The following KDM3A variants were observed in gnomAD, a reference collection of about 807,000 sequenced individuals.
KDM3A encodes lysine demethylase 3A.
In KDM3A, 60 loss-of-function variants were observed where a neutral mutation model predicts 158.0. That is an observed-to-expected ratio of 0.38 (90% CI 0.31 to 0.47). The LOEUF (loss-of-function observed/expected upper bound fraction) is 0.47, where lower values mean the gene tolerates loss of function less well. KDM3A is among the 20% of genes least tolerant of loss of function. The pLI, the probability that KDM3A is intolerant of heterozygous loss-of-function variation, is 0.99. For synonymous variants in KDM3A, 608 were observed against 549.3 expected, an observed-to-expected ratio of 1.11 and a Z score of -1.49; for missense variants, 1,319 against 1,574.3, an observed-to-expected ratio of 0.84 and a Z score of 2.74.
intron 3 of KDM3A, 101 bp downstream of exon 3, chr2:86,450,063 G>A: frequency 1.6e-6 from 2 of 1,269,716 alleles, no homozygotes; most frequent in Admixed American, 4.9e-5. Flanking sequence ...AGTCAGAAAA[G>A]CTCCCAGGAT....
At chr2:86,482,367 T>C (rs1673974232) in intron 17 of KDM3A, 91 bp from the exon 18 acceptor site, 5 of 1,543,952 alleles carry the variant, frequency 3.2e-6, no homozygotes, top group Non-Finnish European at 4.3e-6. Context: ...TGGAATCTTC[T>C]GGATATGTAA....
chr2:86,461,052 A>G (rs1413553203), intron 8 of KDM3A, among the ~76,000 whole-genome samples: 1 of 149,454 alleles, frequency 6.7e-6, no homozygotes, highest in Non-Finnish European at 1.5e-5. Context: ...TTTCTGCTTT[A>G]AGACAGCTCA....
At chr2:86,463,403 T>TA (rs1356101567) in intron 8 of KDM3A, among the ~76,000 whole-genome samples, 1 of 91,998 alleles carries the variant, frequency 1.1e-5, no homozygotes, top group Non-Finnish European at 2.1e-5. Flanking sequence ...GTTAAGAAGT[T>TA]GATTCAATAC....
chr2:86,486,748 G>C (rs926751707), intron 21 of KDM3A, among the ~76,000 whole-genome samples: 1 of 152,168 alleles, frequency 6.6e-6, no homozygotes, highest in Non-Finnish European at 1.5e-5. Flanking sequence ...AAGGGAAGGA[G>C]GGGCAAGGAC....
upstream of KDM3A, among the ~76,000 whole-genome samples, chr2:86,438,496 G>A (rs1044937651): frequency 1.3e-5 from 2 of 151,998 alleles, no homozygotes; most frequent in African/African-American, 4.8e-5. Context: ...GATTTTAAGT[G>A]TTCTCACCAC....
Position 86,491,163 on chromosome 2 carries a change from TCA to T in KDM3A, c.3774_3775del (p.Lys1259SerfsTer3). 1 of 1,614,038 alleles carries T rather than the reference TCA, an allele frequency of 6.2e-7. No homozygotes were observed. The highest frequency in any genetic ancestry group is 8.5e-7 in the Non-Finnish European group (1 of 1,179,928). On this transcript the variant is annotated frameshift_variant, in exon 25 of 26. Transcript: ENST00000312912. LOFTEE classifies it high-confidence loss of function. ...CAGGTTCATAACTTATATAGCTGCA[TCA>T]AAGTGGCTGAAGATTTTGTTTCTCC...
intron 2 of KDM3A, chr2:86,443,037 A>G (rs1359572915): frequency 6.6e-6 from 1 of 152,148 alleles, no homozygotes; most frequent in East Asian, 1.9e-4. Flanking sequence ...TAATAGAAGT[A>G]TTGATGTGAA....
At chr2:86,467,870 T>A (rs1047019343) in intron 10 of KDM3A, among the ~76,000 whole-genome samples, 18 of 151,892 alleles carry the variant, frequency 1.2e-4, no homozygotes, top group African/African-American at 4.1e-4. Flanking sequence ...AAAATTTTTT[T>A]AAAAATCAGC....
rs566140068 is a variant in KDM3A at position 86,469,366 on chromosome 2, C to T, written c.1520-838C>T. Among the ~76,000 whole-genome samples the T allele has an allele frequency of 3.9e-5, 6 of 152,316 alleles. No homozygotes were observed. The South Asian group carries it at 1.2e-3, about 32-fold the overall frequency. ...TAAAAACCCACTTCCCTCTTCTCAG[C>T]TCTCTGGGACCCTAAGAAAAGGTCT... On this transcript the variant is annotated intron_variant, in intron 10 of 25. Transcript: ENST00000312912.
At chr2:86,472,391 GCCT>G (rs1411357509) in intron 11 of KDM3A, among the ~76,000 whole-genome samples, 19 of 152,008 alleles carry the variant, frequency 1.2e-4, no homozygotes, top group African/African-American at 4.3e-4. Flanking sequence ...GCTGTCATTA[GCCT>G]CCTCATCAAG....
intron 11 of KDM3A, among the ~76,000 whole-genome samples, chr2:86,471,269 GTA>G (rs1019689566): frequency 2.7e-4 from 36 of 133,522 alleles, no homozygotes; most frequent in African/African-American, 1.1e-3. Context: ...ATATATATGT[GTA>G]TATATGTGTG....
chr2:86,478,192 T>G lies in KDM3A; in HGVS notation c.2115T>G (p.Ser705=). ...CAGGTGCTGCTTACAAGACTTTCTC[T>G]TGGCTAAAATGTGTGAAGAGTCAGA... ...CQQGAAYKTF[S]WLKCVKSQIH... is the part of the protein sequence containing the mutation. Residue 705 remains serine (S), a synonymous_variant, in exon 14 of 26, where the codon TCT becomes TCG. Coordinates refer to ENST00000312912, the MANE Select transcript of KDM3A (RefSeq NM_018433.6). 6.2e-7 allele frequency: 1 copy of G among 1,614,078 alleles called. No individual in the cohort carries two copies. The highest frequency in any genetic ancestry group is 8.5e-7 in the Non-Finnish European group (1 of 1,179,922).
chr2:86,482,725 T>C (rs771124627), intron 18 of KDM3A, 31 bp downstream of exon 18: 2 of 1,606,560 alleles, frequency 1.2e-6, no homozygotes, highest in South Asian at 2.2e-5. Context: ...TCCTGCCCTA[T>C]TCAGAACCCC....
chr2:86,457,156 ATTATTT>A, intron 8 of KDM3A, 85 bp downstream of exon 8: 1 of 485,978 alleles, frequency 2.1e-6, no homozygotes. Context: ...TATTTATTTA[ATTATTT>A]TTATTTTTTT....
In KDM3A at chr2:86,478,249, G is replaced by T; in HGVS notation, c.2172G>T (p.Gln724His). Reference protein sequence around the residue: ...IHEPENLMPTQIIPGKALYDV... With the variant: ...IHEPENLMPTHIIPGKALYDV... The stretch of plus-strand genomic sequence containing the variant: ...AACCAGAGAACTTAATGCCCACACA[G>T]ATCATTCCTGGAAAAGGTATTTCAT... The change falls in exon 14 of 26, where the codon CAG becomes CAT. Residue 724 changes from glutamine to histidine, a missense_variant. Physicochemically the swap from Gln to His is conservative, Grantham distance 24. Around this residue, in one of 4 missense-constraint regions of KDM3A, gnomAD observed 368 missense variants for 415.8 expected, o/e 0.89. Transcript: ENST00000312912. 2 of 1,611,134 alleles carry T rather than the reference G, an allele frequency of 1.2e-6. No individual in the cohort carries two copies. The highest frequency in any genetic ancestry group is 1.7e-6 in the Non-Finnish European group (2 of 1,177,248).
At chr2:86,446,547 A>G (rs1682964143) in intron 2 of KDM3A, among the ~76,000 whole-genome samples, 1 of 152,104 alleles carries the variant, frequency 6.6e-6, no homozygotes, top group African/African-American at 2.4e-5. Flanking sequence ...AGTCTCTACT[A>G]AAAATGCAAA....
intron 20 of KDM3A, 117 bp downstream of exon 20, chr2:86,485,146 T>C: frequency 1.6e-6 from 1 of 623,756 alleles, no homozygotes; most frequent in Non-Finnish European, 2.9e-6. Context: ...GTAATTATAC[T>C]GCCACTGATT....
At position 86,449,915 on chromosome 2, in the gene KDM3A, C is replaced by T. The variant is rs1573145378; in HGVS notation, c.295C>T (p.Arg99Ter). The change falls in exon 3 of 26, where the codon CGA (arginine) becomes TGA (stop). Residue 99 changes from arginine (R) to a stop codon, truncating the protein, a stop_gained. Coordinates refer to ENST00000312912, the MANE Select transcript of KDM3A (RefSeq NM_018433.6). LOFTEE classifies it high-confidence loss of function. Reference protein sequence around the residue: ...LVEHNLVLAERKSPEISERIV... With the variant: ...LVEHNLVLAE ...AGAACATAATTTGGTTTTAGCTGAA[C>T]GAAAGTCACCTGAAATTTCTGAACG... is the stretch of plus-strand genomic sequence containing the variant. 1 of 1,613,746 alleles carries T rather than the reference C, an allele frequency of 6.2e-7. No individual in the cohort carries two copies. Among genetic ancestry groups the T allele is most frequent in the Non-Finnish European group, 8.5e-7 (1 of 1,179,806 alleles).
chr2:86,485,077 G>T, intron 20 of KDM3A, 48 bp downstream of exon 20: 1 of 1,076,638 alleles, frequency 9.3e-7, no homozygotes. Context: ...TCACTTGGTA[G>T]GATAAATTCT....
Sources: allele counts gnomAD v4.1 joint callset (sites outside exome capture counted in the v4.1 genomes callset), GRCh38; gene constraint gnomAD v4.1.1; regional missense constraint gnomAD v4.1.1; transcripts MANE v1.5; gene names NCBI Gene and HGNC (gene_info 2026-07-23, HGNC 2026-07-21).